Variants in PRH1 observed in about 807,000 individuals in gnomAD.
PRH1 encodes the protein salivary acidic proline-rich phosphoprotein 1/2.
PRH1 carries 7 observed loss-of-function variants against 7.9 expected under a neutral mutation model. That is an observed-to-expected ratio of 0.89 (90% CI 0.50 to 1.67). PRH1 has a LOEUF of 1.67. Ranked by LOEUF, PRH1 falls within the 40% of genes most tolerant of loss-of-function variation. The pLI is 0.00. For synonymous variants in PRH1, 45 were observed against 80.8 expected (o/e 0.56, Z 2.38); for missense variants, 109 against 223.6 (o/e 0.49, Z 3.27).
intron 2 of PRH1, chr12:10,938,643 T>C (rs375408441): frequency 6.2e-7 from 1 of 1,613,798 alleles, no homozygotes; most frequent in African/African-American, 1.3e-5. Flanking sequence ...GTAAAGGGTA[T>C]GAAAATGAAC....
At chr12:10,904,245 G>C (rs1445060145) in intron 2 of PRH1, among the ~76,000 whole-genome samples, 1 of 151,316 alleles carries the variant, frequency 6.6e-6, no homozygotes, top group African/African-American at 2.4e-5. Context: ...AAAGAAAAAA[G>C]CCAGAGGAAT....
chr12:11,157,912 T>C (rs1410344158), intron 1 of PRH1, among the ~76,000 whole-genome samples: 1 of 152,334 alleles, frequency 6.6e-6, no homozygotes, highest in East Asian at 1.9e-4. Context: ...ATTTCCTGAA[T>C]GGAAGAGTTC....
intron 2 of PRH1, among the ~76,000 whole-genome samples, chr12:10,897,815 A>G (rs758424300): frequency 4.6e-5 from 7 of 152,046 alleles, no homozygotes; most frequent in Non-Finnish European, 1.0e-4. Context: ...CCATAATCCA[A>G]TCACCTCCCA....
At chr12:11,170,531 A>T (rs1006331350) in intron 1 of PRH1, among the ~76,000 whole-genome samples, 22 of 152,222 alleles carry the variant, frequency 1.4e-4, no homozygotes, top group Non-Finnish European at 2.2e-4. Context: ...TGGGCGACAG[A>T]GCGAGACTCC....
chr12:11,063,003 A>C (rs1204952666), intron 1 of PRH1, among the ~76,000 whole-genome samples: 2 of 152,102 alleles, frequency 1.3e-5, no homozygotes, highest in Non-Finnish European at 2.9e-5. Flanking sequence ...TCAGTTCCAA[A>C]ATAAAAAAAG....
chr12:11,004,807 G>A (rs1940752781), intron 1 of PRH1, among the ~76,000 whole-genome samples: 1 of 151,812 alleles, frequency 6.6e-6, no homozygotes, highest in Non-Finnish European at 1.5e-5. Context: ...TTAGTTCATG[G>A]CATATTGTAG....
intron 1 of PRH1, among the ~76,000 whole-genome samples, chr12:11,098,615 A>G (rs1001080575): frequency 1.3e-5 from 2 of 152,216 alleles, no homozygotes; most frequent in Middle Eastern, 3.2e-3. Context: ...GCAAATGTCT[A>G]AAGTCTTAAA....
At chr12:11,072,189 G>T (rs1944103225) in intron 1 of PRH1, among the ~76,000 whole-genome samples, 1 of 152,108 alleles carries the variant, frequency 6.6e-6, no homozygotes, top group South Asian at 2.1e-4. Context: ...CTCTCACCAT[G>T]TAGCCCAGGG....
In PRH1 at chr12:11,091,115, C is replaced by CATATATAT. The variant is rs1555163213; in HGVS notation, n.124-43935_124-43928dup. On this transcript the variant is annotated intron_variant and non_coding_transcript_variant, in intron 1 of 4. Coordinates refer to the PRH1 transcript ENST00000541977. Reference sequence around the variant, plus strand: ...ACACAAATACACACACACACACACACATATATATATATATATATATATATA... The same window carrying CATATATAT: ...ACACAAATACACACACACACACACACATATATATATATATATATATATATATATATATA... Among the ~76,000 whole-genome samples the CATATATAT allele has an allele frequency of 7.6e-3, 191 of 25,112 alleles. 27 individuals are homozygous for CATATATAT. Among genetic ancestry groups the CATATATAT allele is most frequent in the African/African-American group, 0.014 (174 of 12,740 alleles). 16.5% of individuals were successfully genotyped at this position (25,112 alleles called of 152,430 possible).
At chr12:10,987,025 T>C in intron 1 of PRH1, 2 of 474,522 alleles carry the variant, frequency 4.2e-6, no homozygotes, top group Non-Finnish European at 7.2e-6. Flanking sequence ...AGTACCAGCT[T>C]ATGCTAATGG....
chr12:10,895,191 T>C (rs1419028560), intron 2 of PRH1: 1 of 152,204 alleles, frequency 6.6e-6, no homozygotes, highest in Non-Finnish European at 1.5e-5. Flanking sequence ...ATAGCTTTTA[T>C]AGGTTTTACA....
chr12:11,171,161 G>A (rs1237100543), intron 1 of PRH1: 1 of 395,976 alleles, frequency 2.5e-6, no homozygotes, highest in Non-Finnish European at 4.4e-6. Context: ...GTGAGAAGCA[G>A]ACAGGAAGGG....
intron 2 of PRH1, among the ~76,000 whole-genome samples, chr12:10,902,747 C>T (rs1029132000): frequency 6.6e-6 from 1 of 152,076 alleles, no homozygotes; most frequent in Non-Finnish European, 1.5e-5. Flanking sequence ...AATTTTCCAA[C>T]CAATAATTGT....
At chr12:11,048,430 G>T, upstream of PRH1, 1 of 331,514 alleles carries the variant, frequency 3.0e-6, no homozygotes. Context: ...CAGGATGAAT[G>T]AGTGGAACAA....
intron 2 of PRH1, chr12:10,907,906 C>T (rs1274869560): frequency 6.5e-6 from 1 of 153,804 alleles, no homozygotes; most frequent in East Asian, 1.9e-4. Context: ...ATTCTCTCAA[C>T]ACATCAGTAT....
chr12:10,938,340 C>G, intron 2 of PRH1: 7 of 1,614,040 alleles, frequency 4.3e-6, no homozygotes, highest in Non-Finnish European at 5.9e-6. Context: ...GACAGAGAGG[C>G]CTGTCTCAGC....
intron 2 of PRH1, among the ~76,000 whole-genome samples, chr12:10,971,850 ACT>A (rs1462027357): frequency 6.6e-6 from 1 of 152,026 alleles, no homozygotes; most frequent in East Asian, 1.9e-4. Context: ...ATTACATATT[ACT>A]CTTTTATCAT....
chr12:11,107,954 C>A (rs1162314501), intron 1 of PRH1, among the ~76,000 whole-genome samples: 1 of 152,208 alleles, frequency 6.6e-6, no homozygotes, highest in Admixed American at 6.5e-5. Context: ...CTACATGTGG[C>A]AGCAGACTTT....
At chr12:10,999,122 C>T (rs1042715053) in intron 1 of PRH1, among the ~76,000 whole-genome samples, 8 of 152,068 alleles carry the variant, frequency 5.3e-5, no homozygotes, top group African/African-American at 1.9e-4. Flanking sequence ...AATCCAAAAA[C>T]ATGTGAGATA....
Sources: allele counts gnomAD v4.1 joint callset (sites outside exome capture counted in the v4.1 genomes callset), GRCh38; gene constraint gnomAD v4.1.1; transcripts MANE v1.5; gene names NCBI Gene and HGNC (gene_info 2026-07-23, HGNC 2026-07-21).